Variants in FOCAD observed in about 807,000 individuals in gnomAD.
FOCAD encodes the protein focadhesin.
A neutral mutation model predicts 225.6 loss-of-function variants in FOCAD; 198 were observed. That is an observed-to-expected ratio of 0.88 (90% CI 0.78 to 0.99). The LOEUF (loss-of-function observed/expected upper bound fraction) is 0.99, where lower values mean the gene tolerates loss of function less well. Ranked by LOEUF, FOCAD falls within the 50% of genes least tolerant of loss-of-function variation. FOCAD has a pLI of 0.00. For missense variants in FOCAD, 2,713 were observed against 2,123.6 expected (o/e 1.28, Z -5.46); for synonymous variants, 897 against 755.0 (o/e 1.19, Z -3.08).
At chr9:20,782,178 AAAG>A (rs1423811437) in intron 10 of FOCAD, among the ~76,000 whole-genome samples, 3 of 152,208 alleles carry the variant, frequency 2.0e-5, no homozygotes, top group Admixed American at 2.0e-4. Context: ...AATACTAGTT[AAAG>A]ATCCTGAAGA....
upstream of FOCAD, among the ~76,000 whole-genome samples, chr9:20,655,654 A>C (rs143216310): frequency 6.6e-6 from 1 of 152,044 alleles, no homozygotes; most frequent in Non-Finnish European, 1.5e-5. Context: ...GTGTCTATTA[A>C]ATTCTTCTCT....
In FOCAD at chr9:20,832,966, A is replaced by T. The variant is rs1298505779; in HGVS notation, c.1920+9851A>T. On this transcript the variant is annotated intron_variant, in intron 15 of 43. Transcript: ENST00000338382. The stretch of plus-strand genomic sequence containing the variant: ...TATCTTTATGAGGTAGTGACTAATA[A>T]ACGTGGGAATGCAAATGTCTTTACA... 3.9e-5 allele frequency among the ~76,000 whole-genome samples: 6 copies of T among 152,184 alleles called. 1 individual carries two copies. In the East Asian group the frequency reaches 5.8e-4, roughly 15 times the overall value.
intron 23 of FOCAD, among the ~76,000 whole-genome samples, chr9:20,913,283 C>T (rs1356811903): frequency 6.6e-6 from 1 of 151,788 alleles, no homozygotes; most frequent in East Asian, 1.9e-4. Context: ...CTTTTTTTCC[C>T]ACTCTGTTCA....
In FOCAD at chr9:20,704,974, A is replaced by G. The variant is rs564269387; in HGVS notation, c.-32-10348A>G. Among the ~76,000 whole-genome samples the G allele has an allele frequency of 3.3e-5, 5 of 152,316 alleles. No individual in the cohort carries two copies. The East Asian group carries it at 5.8e-4, about 18-fold the overall frequency. On this transcript the variant is annotated intron_variant, in intron 1 of 43. Transcript: ENST00000338382. ...ATTCCGGGCTTTTCTTTGTGCATAT[A>G]TACTCTGGAGCGAGACTACTTAGGT...
chr9:20,796,453 TC>T (rs1821116963), intron 11 of FOCAD, among the ~76,000 whole-genome samples: 1 of 152,192 alleles, frequency 6.6e-6, no homozygotes, highest in South Asian at 2.1e-4. Context: ...TGTTCCTGTT[TC>T]TCCACATCCT....
At chr9:20,924,537 C>A (rs1834760860) in intron 25 of FOCAD, among the ~76,000 whole-genome samples, 1 of 152,162 alleles carries the variant, frequency 6.6e-6, no homozygotes, top group Non-Finnish European at 1.5e-5. Flanking sequence ...ATATGTGAAG[C>A]ACAACAGCTC....
intron 9 of FOCAD, among the ~76,000 whole-genome samples, chr9:20,781,187 A>G (rs1053301633): frequency 6.6e-6 from 1 of 152,220 alleles, no homozygotes; most frequent in Non-Finnish European, 1.5e-5. Context: ...AGTTGTTTCC[A>G]TGTTAAAGAA....
intron 18 of FOCAD, chr9:20,874,434 A>T (rs914540452): frequency 2.8e-6 from 1 of 362,244 alleles, no homozygotes; most frequent in Non-Finnish European, 4.9e-6. Context: ...ACAGTGATTT[A>T]CTGTATTAAC....
At chr9:20,987,818 C>G (rs951261432) in intron 40 of FOCAD, among the ~76,000 whole-genome samples, 6 of 152,042 alleles carry the variant, frequency 3.9e-5, no homozygotes, top group Admixed American at 3.9e-4. Context: ...TGGGAATCCT[C>G]TTTTTTAAAA....
intron 5 of FOCAD, among the ~76,000 whole-genome samples, chr9:20,752,428 T>C (rs1226906880): frequency 2.0e-5 from 3 of 152,184 alleles, no homozygotes; most frequent in African/African-American, 7.2e-5. Context: ...CCTTTCCCCA[T>C]TGCTTGTTTT....
chr9:20,944,476 T>G, intron 28 of FOCAD, 151 bp from the exon 29 acceptor site: 1 of 746,222 alleles, frequency 1.3e-6, no homozygotes, highest in Admixed American at 2.8e-5. Context: ...GTACTTGTCA[T>G]GGATGATGGG....
chr9:20,751,816 C>G (rs1587014480), intron 5 of FOCAD, among the ~76,000 whole-genome samples: 2 of 146,948 alleles, frequency 1.4e-5, no homozygotes, highest in South Asian at 4.4e-4. Flanking sequence ...CTCTCCAGCA[C>G]CTGTTGTTTC....
At chr9:20,989,985 G>C in intron 41 of FOCAD, 138 bp from the exon 42 acceptor site, 1 of 870,130 alleles carries the variant, frequency 1.1e-6, no homozygotes, top group Non-Finnish European at 1.8e-6. Flanking sequence ...TCCTCTTCTG[G>C]GTGGGGGTAG....
chr9:20,732,910 G>A (rs1479661265), intron 4 of FOCAD, among the ~76,000 whole-genome samples: 2 of 152,192 alleles, frequency 1.3e-5, no homozygotes. Context: ...TAGAAGACCA[G>A]GTGTGTCGGG....
At chr9:20,787,099 T>C (rs62557557) in intron 10 of FOCAD, 73,677 of 282,658 alleles carry the variant, frequency 0.26, 9,646 homozygotes, top group South Asian at 0.39. Context: ...AACAAACAAA[T>C]AAACAAACAA....
chr9:20,809,458 A>G (rs1054092176), intron 11 of FOCAD, among the ~76,000 whole-genome samples: 3 of 152,160 alleles, frequency 2.0e-5, no homozygotes, highest in Non-Finnish European at 4.4e-5. Context: ...ATTTAATTCA[A>G]TTGATCAATC....
intron 35 of FOCAD, among the ~76,000 whole-genome samples, chr9:20,958,847 T>C (rs2132440787): frequency 6.6e-6 from 1 of 152,332 alleles, no homozygotes; most frequent in African/African-American, 2.4e-5. Flanking sequence ...TTTCTATCCA[T>C]GCTGCCATGA....
chr9:20,706,977 C>T (rs1302804331), intron 1 of FOCAD, among the ~76,000 whole-genome samples: 2 of 152,192 alleles, frequency 1.3e-5, no homozygotes, highest in East Asian at 1.9e-4. Flanking sequence ...AAGCAGACCC[C>T]AGCCTGGAAA....
intron 24 of FOCAD, 24 bp downstream of exon 24, chr9:20,916,961 C>T: frequency 3.2e-6 from 5 of 1,576,322 alleles, no homozygotes; most frequent in Non-Finnish European, 4.3e-6. Flanking sequence ...AGTCTTTTAT[C>T]AAACATTTTT....
Sources: allele counts gnomAD v4.1 joint callset (sites outside exome capture counted in the v4.1 genomes callset), GRCh38; gene constraint gnomAD v4.1.1; transcripts MANE v1.5; gene names NCBI Gene and HGNC (gene_info 2026-07-23, HGNC 2026-07-21).